GLRA2: variants seen among roughly 807,000 people sequenced by gnomAD.
GLRA2 encodes glycine receptor subunit alpha-2.
Under a neutral mutation model 31.6 loss-of-function variants are expected in GLRA2, and 11 were observed. The ratio of observed to expected loss-of-function variants is 0.35; its 90% CI spans 0.22 to 0.58. GLRA2 has a LOEUF of 0.58. GLRA2 is among the 20% of genes least tolerant of loss of function. The pLI, the probability that GLRA2 is intolerant of heterozygous loss-of-function variation, is 0.84. For missense variants in GLRA2, 212 were observed against 351.8 expected (o/e 0.60, Z 3.18); for synonymous variants, 132 against 134.0 (o/e 0.99, Z 0.10).
intron 7 of GLRA2, among the ~76,000 whole-genome samples, chrX:14,656,668 T>C (rs2090944211): frequency 8.9e-6 from 1 of 112,524 alleles, no homozygotes; most frequent in African/African-American, 3.2e-5. Flanking sequence ...ACATAATAAA[T>C]GTGTATGAAC....
the GLRA2 span, among the ~76,000 whole-genome samples, chrX:14,486,598 A>G: frequency 6.3e-5 from 7 of 111,832 alleles, no homozygotes; most frequent in Admixed American, 1.9e-4. Context: ...CTTATCCTAT[A>G]AATAATCTGG....
chrX:14,510,706 C>T, the GLRA2 span, among the ~76,000 whole-genome samples: 1 of 111,574 alleles, frequency 9.0e-6, no homozygotes, highest in African/African-American at 3.3e-5. Flanking sequence ...CTGAAGTCCA[C>T]AGTCAGATTG....
chrX:14,726,906 T>C (rs1388756521), intron 8 of GLRA2, among the ~76,000 whole-genome samples: 1 of 112,246 alleles, frequency 8.9e-6, no homozygotes, highest in Non-Finnish European at 1.9e-5. Flanking sequence ...GGCGGTGAAC[T>C]ATATGCTTAA....
Position 14,690,696 on chromosome X carries a change from T to C in GLRA2, c.931-14T>C. 1 of 1,121,572 alleles carries C rather than the reference T, an allele frequency of 8.9e-7. No individual in the cohort carries two copies. The highest frequency in any genetic ancestry group is 1.2e-6 in the Non-Finnish European group (1 of 813,954). The allele number at this position is 1,121,572 out of a possible 1,213,427, so 92.4% of individuals were successfully genotyped here. A position where few individuals can be genotyped will look rare whatever the true frequency, so the allele number is the denominator to read the frequency against. On this transcript the variant is annotated splice_polypyrimidine_tract_variant and intron_variant, in intron 7 of 8. Transcript: ENST00000218075. The stretch of plus-strand genomic sequence containing the variant: ...CTCTCTCTGTGTGTGTGTGTGTCTC[T>C]CTCTCTCTCTCAGGTCTCCTATGTA...
In GLRA2 at chrX:14,717,146, A is replaced by T. The variant is rs764221604; in HGVS notation, c.1081-13061A>T. ...AATAGGAGCTTCTTTATTCAACATT[A>T]CTGCCGATGGTCAATAAATTGAATG... On this transcript the variant is annotated intron_variant, in intron 8 of 8. Coordinates refer to ENST00000218075, the MANE Select transcript of GLRA2 (RefSeq NM_002063.4). Among the ~76,000 whole-genome samples, 150 of 110,789 alleles carry T rather than the reference A, an allele frequency of 1.4e-3. 2 individuals are homozygous for T. The highest frequency in any genetic ancestry group is 1.6e-3 in the South Asian group (4 of 2,554).
intron 2 of GLRA2, among the ~76,000 whole-genome samples, chrX:14,563,997 C>T (rs2033823817): frequency 1.8e-5 from 2 of 110,885 alleles, no homozygotes; most frequent in South Asian, 7.6e-4. Context: ...TATACACATT[C>T]TAGAAGTTCC....
At chrX:14,725,444 T>C (rs1468190857) in intron 8 of GLRA2, among the ~76,000 whole-genome samples, 1 of 111,205 alleles carries the variant, frequency 9.0e-6, no homozygotes. Context: ...TGAGTGAGAC[T>C]CACTACAACC....
chrX:14,527,616 GA>G (rs754493347), upstream of GLRA2, among the ~76,000 whole-genome samples: 73 of 92,745 alleles, frequency 7.9e-4, no homozygotes, highest in Middle Eastern at 5.4e-3. Flanking sequence ...TCCATCTCGG[GA>G]AAAAAAAAAA....
chrX:14,704,355 A>T (rs762938325), intron 8 of GLRA2, among the ~76,000 whole-genome samples: 2 of 112,185 alleles, frequency 1.8e-5, no homozygotes, highest in African/African-American at 6.5e-5. Context: ...TTGGTGTAAG[A>T]TTCTTTTTTT....
chrX:14,707,917 CCAT>C (rs1306112089), intron 8 of GLRA2, among the ~76,000 whole-genome samples: 1 of 110,869 alleles, frequency 9.0e-6, no homozygotes, highest in Non-Finnish European at 1.9e-5. Flanking sequence ...GAAATAATCA[CCAT>C]GATTAAACTA....
chrX:14,538,871 A>G (rs183002045), intron 2 of GLRA2, among the ~76,000 whole-genome samples: 1 of 111,795 alleles, frequency 8.9e-6, no homozygotes, highest in Non-Finnish European at 1.9e-5. Context: ...AAAAGAGAGC[A>G]TTTGGTCTCA....
the GLRA2 span, among the ~76,000 whole-genome samples, chrX:14,492,983 C>G: frequency 9.0e-6 from 1 of 110,941 alleles, no homozygotes; most frequent in African/African-American, 3.3e-5. Context: ...AAGGGCCTAG[C>G]TATTTCCCTC....
At chrX:14,675,307 C>T (rs1305733369) in intron 7 of GLRA2, among the ~76,000 whole-genome samples, 3 of 111,644 alleles carry the variant, frequency 2.7e-5, no homozygotes, top group African/African-American at 9.8e-5. Flanking sequence ...TGTACCTCTC[C>T]ACTCATGAAA....
At chrX:14,505,934 A>G in the GLRA2 span, among the ~76,000 whole-genome samples, 22 of 111,047 alleles carry the variant, frequency 2.0e-4, no homozygotes, top group East Asian at 3.2e-3. Flanking sequence ...ATGATCTTCA[A>G]GTTCTCTCTG....
chrX:14,688,711 T>C (rs929418197), intron 7 of GLRA2, among the ~76,000 whole-genome samples: 8 of 110,731 alleles, frequency 7.2e-5, no homozygotes, highest in Middle Eastern at 4.2e-3. Context: ...CCCCTTCCCT[T>C]GGCTAGGAAA....
intron 3 of GLRA2, chrX:14,574,627 C>A: frequency 2.4e-6 from 2 of 819,007 alleles, no homozygotes; most frequent in Non-Finnish European, 3.7e-6. Context: ...TGCACTGTGG[C>A]ATATTTGTGA....
intron 7 of GLRA2, among the ~76,000 whole-genome samples, chrX:14,666,424 A>C (rs1282531527): frequency 8.9e-6 from 1 of 111,897 alleles, no homozygotes; most frequent in Non-Finnish European, 1.9e-5. Context: ...TGTAGCAGGA[A>C]AGTTAGCCCC....
chrX:14,525,180 C>T (rs915924163), upstream of GLRA2, among the ~76,000 whole-genome samples: 2 of 111,096 alleles, frequency 1.8e-5, no homozygotes, highest in Non-Finnish European at 3.8e-5. Flanking sequence ...ATGATATAGA[C>T]CAAATATTGT....
intron 7 of GLRA2, among the ~76,000 whole-genome samples, chrX:14,647,588 T>C (rs948813934): frequency 3.6e-5 from 4 of 111,805 alleles, no homozygotes; most frequent in Non-Finnish European, 5.6e-5. Flanking sequence ...GTCAGGAGAA[T>C]GGGTATTAAG....
Sources: allele counts gnomAD v4.1 joint callset (sites outside exome capture counted in the v4.1 genomes callset), GRCh38; gene constraint gnomAD v4.1.1; transcripts MANE v1.5; gene names NCBI Gene and HGNC (gene_info 2026-07-23, HGNC 2026-07-21).